KCNH5: variants seen among roughly 807,000 people sequenced by gnomAD.
KCNH5 encodes potassium voltage-gated channel subfamily H member 5, also known as voltage-gated delayed rectifier potassium channel KCNH5.
KCNH5 carries 46 observed loss-of-function variants against 96.1 expected under a neutral mutation model. That is an observed-to-expected ratio of 0.48 (90% CI 0.38 to 0.61). The LOEUF (loss-of-function observed/expected upper bound fraction) is 0.61, where lower values mean the gene tolerates loss of function less well. Among genes scored for constraint, KCNH5 ranks in the 20% least tolerant of loss-of-function variants. The probability of loss-of-function intolerance (pLI) is 0.00; values close to 1 mark genes in which losing one functional copy is unlikely to be tolerated. For synonymous variants in KCNH5, 439 were observed against 449.8 expected (o/e 0.98, Z 0.30); for missense variants, 907 against 1,225.8 (o/e 0.74, Z 3.88).
intron 7 of KCNH5, among the ~76,000 whole-genome samples, chr14:62,869,515 G>A (rs142630707): frequency 9.9e-5 from 15 of 152,102 alleles, no homozygotes; most frequent in East Asian, 5.8e-4. Flanking sequence ...TTCTTTTGCC[G>A]TGCAGAAGCT....
At chr14:62,808,265 A>G (rs73274703) in intron 8 of KCNH5, among the ~76,000 whole-genome samples, 2,537 of 152,234 alleles carry the variant, frequency 0.017, 74 homozygotes, top group African/African-American at 0.058. Flanking sequence ...GTTAGATAGA[A>G]TAAAGCTAAA....
At chr14:62,924,731 T>C (rs1350074776) in intron 7 of KCNH5, among the ~76,000 whole-genome samples, 1 of 151,944 alleles carries the variant, frequency 6.6e-6, no homozygotes. Context: ...AGACAATGCA[T>C]GATCTCACTT....
intron 10 of KCNH5, among the ~76,000 whole-genome samples, chr14:62,768,287 CTA>C (rs1885908749): frequency 6.6e-6 from 1 of 151,996 alleles, no homozygotes; most frequent in Non-Finnish European, 1.5e-5. Flanking sequence ...TGCATGTATC[CTA>C]AGTTTAAATC....
intron 1 of KCNH5, among the ~76,000 whole-genome samples, chr14:63,044,073 C>T (rs1446343566): frequency 6.6e-6 from 1 of 152,094 alleles, no homozygotes; most frequent in African/African-American, 2.4e-5. Flanking sequence ...TGCTTTGTTC[C>T]AAGCTCTACT....
intron 8 of KCNH5, among the ~76,000 whole-genome samples, chr14:62,815,870 T>A (rs996603827): frequency 6.6e-6 from 1 of 151,614 alleles, no homozygotes; most frequent in East Asian, 1.9e-4. Flanking sequence ...TTAAGACATA[T>A]ACACACACAC....
chr14:63,017,797 T>C (rs1891353786), intron 1 of KCNH5, among the ~76,000 whole-genome samples: 1 of 151,668 alleles, frequency 6.6e-6, no homozygotes, highest in Non-Finnish European at 1.5e-5. Context: ...CTTCAAAATT[T>C]CACCTAAGAA....
intron 7 of KCNH5, among the ~76,000 whole-genome samples, chr14:62,906,086 T>G (rs569871595): frequency 2.0e-5 from 3 of 152,376 alleles, no homozygotes; most frequent in African/African-American, 7.2e-5. Context: ...TAGGGTTTTC[T>G]CAGCATTTTA....
At position 62,705,149 on chromosome 14, in the gene KCNH5, G is replaced by A. The variant is rs1235861403; in HGVS notation, c.*2359C>T. Reference sequence around the variant, plus strand: ...TATATGAACAATAACATTGTAGGTCGATTAGGTGAAACTCTACGTCAATGT... The same window carrying A: ...TATATGAACAATAACATTGTAGGTCAATTAGGTGAAACTCTACGTCAATGT... On this transcript the variant is annotated 3_prime_UTR_variant, in exon 11 of 11. Transcript: ENST00000322893. 5 of 151,936 alleles carry A rather than the reference G, an allele frequency of 3.3e-5. No individual in the cohort carries two copies. Among genetic ancestry groups the A allele is most frequent in the African/African-American group, 1.2e-4 (5 of 41,430 alleles). 9.4% of individuals were successfully genotyped at this position (151,936 alleles called of 1,614,324 possible).
chr14:62,954,917 GGAGGA>G (rs1191088109), intron 6 of KCNH5, among the ~76,000 whole-genome samples: 1 of 151,976 alleles, frequency 6.6e-6, no homozygotes, highest in Non-Finnish European at 1.5e-5. Context: ...AAAATAGTAT[GGAGGA>G]AACACCCCCA....
intron 7 of KCNH5, among the ~76,000 whole-genome samples, chr14:62,916,704 T>A (rs1889281609): frequency 6.8e-6 from 1 of 147,676 alleles, no homozygotes; most frequent in African/African-American, 2.6e-5. Context: ...TGAGACTGCA[T>A]GTTTGATTTG....
At chr14:62,799,726 T>TATATACACACAC (rs1213484157) in intron 9 of KCNH5, among the ~76,000 whole-genome samples, 12 of 68,660 alleles carry the variant, frequency 1.7e-4, no homozygotes, top group African/African-American at 1.5e-4. Flanking sequence ...TATATATATA[T>TATATACACACAC]ACACACACAC....
intron 4 of KCNH5, among the ~76,000 whole-genome samples, chr14:62,989,952 A>G (rs565836703): frequency 1.3e-5 from 2 of 152,174 alleles, no homozygotes; most frequent in East Asian, 3.9e-4. Context: ...ACCTTACATC[A>G]ATAGAATGTT....
At chr14:62,803,803 A>G (rs1241288256) in intron 8 of KCNH5, among the ~76,000 whole-genome samples, 6 of 152,136 alleles carry the variant, frequency 3.9e-5, no homozygotes, top group Non-Finnish European at 7.3e-5. Context: ...GCAAGTGCAA[A>G]CTCATTTAGA....
chr14:62,933,455 A>ATG (rs533111893), intron 7 of KCNH5, among the ~76,000 whole-genome samples: 115 of 120,186 alleles, frequency 9.6e-4, no homozygotes, highest in African/African-American at 1.4e-3. Flanking sequence ...CATATATATT[A>ATG]TGTGTGTGTG....
chr14:62,777,855 G>A (rs1479532687), intron 10 of KCNH5, among the ~76,000 whole-genome samples: 1 of 96,488 alleles, frequency 1.0e-5, no homozygotes, highest in Non-Finnish European at 2.4e-5. Context: ...GTGTGTATGT[G>A]TATTTGTGTG....
chr14:62,897,629 G>A (rs1888841050), intron 7 of KCNH5, among the ~76,000 whole-genome samples: 1 of 152,164 alleles, frequency 6.6e-6, no homozygotes, highest in Non-Finnish European at 1.5e-5. Context: ...AGAATAAAAT[G>A]TATTACTGCC....
intron 6 of KCNH5, among the ~76,000 whole-genome samples, chr14:62,976,402 CAAAAAAAA>C (rs58791042): frequency 1.2e-5 from 1 of 85,320 alleles, no homozygotes; most frequent in African/African-American, 4.5e-5. Flanking sequence ...GACTCCATGT[CAAAAAAAA>C]AAAAAAAAAA....
chr14:62,850,974 C>A (rs943628816), intron 7 of KCNH5, among the ~76,000 whole-genome samples: 2 of 152,158 alleles, frequency 1.3e-5, no homozygotes, highest in Admixed American at 6.6e-5. Context: ...GCAGTTTCAT[C>A]AGCCAAATCC....
chr14:62,735,108 A>G (rs1885129635), intron 10 of KCNH5, among the ~76,000 whole-genome samples: 1 of 152,186 alleles, frequency 6.6e-6, no homozygotes, highest in Non-Finnish European at 1.5e-5. Context: ...CTGATGTACA[A>G]TCCTTATACC....
Sources: gnomAD v4.1 joint callset for allele counts (sites outside exome capture counted in the v4.1 genomes callset) on GRCh38, gnomAD v4.1.1 for gene constraint, MANE v1.5 for transcripts, NCBI Gene and HGNC (gene_info 2026-07-23, HGNC 2026-07-21) for gene names.